The following NAXD variants were observed in gnomAD, a reference collection of about 807,000 sequenced individuals.
NAXD encodes NAD(P)HX dehydratase, also known as ATP-dependent (S)-NAD(P)H-hydrate dehydratase.
Under a neutral mutation model 35.8 loss-of-function variants are expected in NAXD, and 22 were observed. The observed-to-expected ratio is 0.62, with a 90% CI of 0.44 to 0.88. NAXD has a LOEUF of 0.88. NAXD is among the 40% of genes least tolerant of loss of function. The probability of loss-of-function intolerance (pLI) is 0.00; values close to 1 mark genes in which losing one functional copy is unlikely to be tolerated. For synonymous variants in NAXD, 189 were observed against 177.6 expected, an observed-to-expected ratio of 1.06 and a Z score of -0.51; for missense variants, 428 against 437.7, an observed-to-expected ratio of 0.98 and a Z score of 0.20.
chr13:110,635,505 C>T lies in NAXD; in HGVS notation c.635C>T (p.Ser212Phe). ...ATGGACAGCGATGACAGCCATGGAT[C>T]TGTGCTAAGACTCAGCCAAGCCCTG... ...GPMDSDDSHG[S>F]VLRLSQALGN... is the part of the protein sequence containing the mutation. Residue 212 changes from serine to phenylalanine, a missense_variant, in exon 8 of 10, where the codon TCT becomes TTT. Physicochemically the swap from Ser to Phe is radical, Grantham distance 155 (BLOSUM62 -2). Coordinates refer to ENST00000680254, the MANE Select transcript of NAXD (RefSeq NM_001242882.2). 6.2e-7 allele frequency: 1 copy of T among 1,614,108 alleles called. No homozygotes were observed. The highest frequency in any genetic ancestry group is 1.3e-5 in the African/African-American group (1 of 75,066).
rs146351045 is a variant in NAXD at position 110,638,912 on chromosome 13, CCT to C, written c.*386_*387del. On this transcript the variant is annotated 3_prime_UTR_variant, in exon 10 of 10. Transcript: ENST00000680254. The surrounding 1 kb of genome is among the most constrained non-coding windows in gnomAD (Gnocchi z 5.4). ...ACTCTCTCTGCCGGCGCCCTTCGTTCCTCCTCTGCTTCCCTTCCCTAGTCTTT... is the reference window on the plus strand; with the variant it reads ...ACTCTCTCTGCCGGCGCCCTTCGTTCCCTCTGCTTCCCTTCCCTAGTCTTT... 2.1e-5 allele frequency: 6 copies of C among 284,960 alleles called. No homozygotes were observed. Among genetic ancestry groups the C allele is most frequent in the East Asian group, 8.7e-5 (1 of 11,542 alleles). The allele number at this position is 284,960 out of a possible 1,614,324, so 17.7% of individuals were successfully genotyped here. A position where few individuals can be genotyped will look rare whatever the true frequency, so the allele number is the denominator to read the frequency against.
intron 1 of NAXD, among the ~76,000 whole-genome samples, chr13:110,619,924 G>T (rs1175903221): frequency 6.6e-6 from 1 of 151,952 alleles, no homozygotes; most frequent in East Asian, 1.9e-4. Context: ...TCAGCCTCCC[G>T]AGTAGCTGGA....
intron 3 of NAXD, 98 bp from the exon 4 acceptor site, chr13:110,625,092 C>A: frequency 1.1e-6 from 1 of 875,134 alleles, no homozygotes; most frequent in Non-Finnish European, 1.9e-6. Flanking sequence ...TCATGCACGT[C>A]ACCAGGGCTG....
At chr13:110,618,551 C>T (rs926752966) in intron 1 of NAXD, among the ~76,000 whole-genome samples, 1 of 152,220 alleles carries the variant, frequency 6.6e-6, no homozygotes, top group African/African-American at 2.4e-5. Flanking sequence ...GTGGGTTTTA[C>T]ACACTCAGAA....
Position 110,638,773 on chromosome 13 carries a change from T to G in NAXD, c.*245T>G. 1 of 669,834 alleles carries G rather than the reference T, an allele frequency of 1.5e-6. No individual in the cohort carries two copies. The allele number at this position is 669,834 out of a possible 1,614,324, so 41.5% of individuals were successfully genotyped here. ...GTATTCCTGAACTTTCCTTAGCTCCTTGGTAGTAACTGGGAAGACAGAAAT... is the reference window on the plus strand; with the variant it reads ...GTATTCCTGAACTTTCCTTAGCTCCGTGGTAGTAACTGGGAAGACAGAAAT... On this transcript the variant is annotated 3_prime_UTR_variant, in exon 10 of 10. Coordinates refer to ENST00000680254, the MANE Select transcript of NAXD (RefSeq NM_001242882.2). This position sits in a 1 kb window ranked among gnomAD's most constrained non-coding sequence, Gnocchi z 5.4.
intron 5 of NAXD, among the ~76,000 whole-genome samples, chr13:110,627,854 G>A (rs1329885953): frequency 2.0e-5 from 3 of 152,188 alleles, no homozygotes; most frequent in African/African-American, 7.2e-5. Context: ...AGGTGACAGA[G>A]GTTTGGGGTC....
At chr13:110,637,018 G>A in intron 8 of NAXD, 111 bp from the exon 9 acceptor site, 2 of 1,278,200 alleles carry the variant, frequency 1.6e-6, no homozygotes, top group South Asian at 1.6e-5. Flanking sequence ...GCCTCAGGCT[G>A]CTCCTGGAGG....
rs1052842969 is a variant in NAXD at position 110,639,770 on chromosome 13, GATAC to G, written c.*1243_*1246del. The G allele has an allele frequency of 4.6e-5, 7 of 152,104 alleles. No individual in the cohort carries two copies. The highest frequency in any genetic ancestry group is 5.9e-5 in the Non-Finnish European group (4 of 68,036). The allele number at this position is 152,104 out of a possible 1,614,324, so 9.4% of individuals were successfully genotyped here. A position where few individuals can be genotyped will look rare whatever the true frequency, so the allele number is the denominator to read the frequency against. ...TTTGGCCTGATGATGACTCTTGAGT[GATAC>G]CCTGTGATGCAGACATGCCCCAGAT... is the stretch of plus-strand genomic sequence containing the variant. On this transcript the variant is annotated 3_prime_UTR_variant, in exon 10 of 10. Transcript: ENST00000680254.
At chr13:110,624,520 G>A (rs958594781) in intron 3 of NAXD, among the ~76,000 whole-genome samples, 4 of 152,066 alleles carry the variant, frequency 2.6e-5, no homozygotes, top group East Asian at 1.9e-4. Context: ...GTGCAATGGC[G>A]GGATCTCGGC....
In NAXD at chr13:110,628,790, C is replaced by CGGTGCACGGCT. The variant is rs994756936; in HGVS notation, c.441+1245_441+1255dup. ...GTCCCATCTGCAGGCTGCGGGTCTG[C>CGGTGCACGGCT]GGTGCACGGCTGCTGCTTCCTGTCC... On this transcript the variant is annotated intron_variant, in intron 5 of 9. Transcript: ENST00000680254. This position sits in a 1 kb window ranked among gnomAD's most constrained non-coding sequence, Gnocchi z 4.1. Among the ~76,000 whole-genome samples the CGGTGCACGGCT allele has an allele frequency of 5.9e-5, 9 of 152,110 alleles. No homozygotes were observed. Among genetic ancestry groups the CGGTGCACGGCT allele is most frequent in the African/African-American group, 2.2e-4 (9 of 41,412 alleles).
At chr13:110,631,025 A>T (rs1566619251) in intron 5 of NAXD, among the ~76,000 whole-genome samples, 1 of 152,120 alleles carries the variant, frequency 6.6e-6, no homozygotes, top group Non-Finnish European at 1.5e-5. Context: ...TGATTTGTGG[A>T]ATAGGCAGCC....
chr13:110,637,288 C>T (rs747619640), intron 9 of NAXD, 39 bp downstream of exon 9: 2 of 1,612,476 alleles, frequency 1.2e-6, no homozygotes, highest in South Asian at 2.2e-5. Context: ...TTGAAACCGT[C>T]TGATTTTTCT....
intron 9 of NAXD, among the ~76,000 whole-genome samples, chr13:110,637,592 G>A (rs896006093): frequency 2.0e-5 from 3 of 152,138 alleles, no homozygotes; most frequent in African/African-American, 7.2e-5. Context: ...AAACAGACAG[G>A]GTCAAGGCTT....
chr13:110,625,813 G>A (rs1012104573), intron 4 of NAXD, among the ~76,000 whole-genome samples: 1 of 152,346 alleles, frequency 6.6e-6, no homozygotes, highest in South Asian at 2.1e-4. Context: ...GGAGCAGAGC[G>A]TTTGCTCTTG....
rs3216745 is a variant in NAXD at position 110,625,438 on chromosome 13, TG to T, written c.332+164del. ...AGGGAAATGAAGGAGCCCGTTCTTC[TG>T]GGGTCAGAATAAGACAGAGACGGCG... is the stretch of plus-strand genomic sequence containing the variant. On this transcript the variant is annotated intron_variant, in intron 4 of 9. Transcript: ENST00000680254. Among the ~76,000 whole-genome samples the T allele has an allele frequency of 1.5e-3, 227 of 152,312 alleles. 2 individuals carry two copies. Among genetic ancestry groups the T allele is most frequent in the Admixed American group, 0.011 (171 of 15,302 alleles).
intron 1 of NAXD, 169 bp downstream of exon 1, chr13:110,615,816 A>G (rs1886029265): frequency 7.8e-6 from 10 of 1,289,872 alleles, no homozygotes; most frequent in Admixed American, 8.4e-5. Flanking sequence ...GCGGGGGGGA[A>G]GCGCCGCCGA....
Position 110,638,488 on chromosome 13 carries a change from C to T in NAXD, c.950C>T (p.Ala317Val), listed in dbSNP as rs751260908. ...TCCACCACCACCTCCGACATGATCG[C>T]CGAGGTGGGGGCCGCCTTCAGCAAG... is the stretch of plus-strand genomic sequence containing the variant. ...GRSTTTSDMI[A>V]EVGAAFSKLF... is the part of the protein sequence containing the mutation. The change falls in exon 10 of 10, where the codon GCC (alanine) becomes GTC (valine). Residue 317 changes from alanine (A) to valine (V), a missense_variant. Ala to Val is a moderately conservative substitution (Grantham distance 64, BLOSUM62 0). Transcript: ENST00000680254. The surrounding 1 kb of genome is among the most constrained non-coding windows in gnomAD (Gnocchi z 5.4). 6.2e-7 allele frequency: 1 copy of T among 1,613,092 alleles called. No homozygotes were observed. Among genetic ancestry groups the T allele is most frequent in the Admixed American group, 1.7e-5 (1 of 60,004 alleles).
intron 3 of NAXD, 114 bp from the exon 4 acceptor site, chr13:110,625,076 C>T (rs566410829): frequency 2.2e-5 from 16 of 740,804 alleles, no homozygotes; most frequent in South Asian, 1.1e-4. Context: ...CGAGCTAGTA[C>T]GTTTCTCATG....
intron 8 of NAXD, 128 bp downstream of exon 8, chr13:110,635,716 G>T: frequency 9.2e-7 from 1 of 1,083,980 alleles, no homozygotes; most frequent in Non-Finnish European, 1.3e-6. Context: ...AGGGATTCCT[G>T]ATGAGCTCGT....
Sources: gnomAD v4.1 joint callset for allele counts (sites outside exome capture counted in the v4.1 genomes callset) on GRCh38, gnomAD v4.1.1 for gene constraint, Gnocchi (gnomAD v3.1) non-coding constraint, MANE v1.5 for transcripts, NCBI Gene and HGNC (gene_info 2026-07-23, HGNC 2026-07-21) for gene names.